The following ISM1 variants were observed in gnomAD, a reference collection of about 807,000 sequenced individuals.
ISM1 encodes isthmin-1.
In ISM1, 25 loss-of-function variants were observed where a neutral mutation model predicts 46.3. That is an observed-to-expected ratio of 0.54 (90% CI 0.39 to 0.75). The LOEUF (loss-of-function observed/expected upper bound fraction) is 0.75. ISM1 is among the 30% of genes least tolerant of loss of function. The pLI is 0.00. For missense variants in ISM1, 536 were observed against 625.4 expected (o/e 0.86, Z 1.52); for synonymous variants, 255 against 256.7 (o/e 0.99, Z 0.06).
chr20:13,283,350 G>A (rs7273083), intron 3 of ISM1, among the ~76,000 whole-genome samples: 10,717 of 152,212 alleles, frequency 0.07, 531 homozygotes, highest in East Asian at 0.23. Flanking sequence ...ATCTCGGGGC[G>A]TGCAGCCTCG....
chr20:13,325,294 G>T, the ISM1 span, among the ~76,000 whole-genome samples: 1 of 152,204 alleles, frequency 6.6e-6, no homozygotes, highest in Admixed American at 6.5e-5. Context: ...ATGCGAGGTT[G>T]CACATCTGTA....
chr20:13,289,964 C>A (rs1294398958), intron 4 of ISM1, among the ~76,000 whole-genome samples: 2 of 152,104 alleles, frequency 1.3e-5, no homozygotes, highest in Non-Finnish European at 2.9e-5. Flanking sequence ...AGTTCTCCAA[C>A]CAGAGACATT....
the ISM1 span, among the ~76,000 whole-genome samples, chr20:13,323,915 T>C: frequency 5.9e-5 from 9 of 152,234 alleles, no homozygotes; most frequent in African/African-American, 1.9e-4. Context: ...ATAGCCTGAA[T>C]GATAAGAAAT....
chr20:13,307,445 C>A, the ISM1 span, among the ~76,000 whole-genome samples: 2 of 152,144 alleles, frequency 1.3e-5, no homozygotes, highest in African/African-American at 4.8e-5. Flanking sequence ...TCTGGGGCTA[C>A]AGAAATGTTC....
chr20:13,276,859 T>G (rs2040185927), intron 2 of ISM1, among the ~76,000 whole-genome samples: 1 of 152,248 alleles, frequency 6.6e-6, no homozygotes, highest in Non-Finnish European at 1.5e-5. Flanking sequence ...TGGATGCCTA[T>G]GAAACCTCAG....
chr20:13,278,529 T>C (rs1177040610), intron 2 of ISM1, among the ~76,000 whole-genome samples: 2 of 152,228 alleles, frequency 1.3e-5, no homozygotes, highest in East Asian at 1.9e-4. Flanking sequence ...TGAGAGACAG[T>C]GTGGCAAAGT....
At chr20:13,257,362 A>G (rs1267918867) in intron 1 of ISM1, among the ~76,000 whole-genome samples, 1 of 152,076 alleles carries the variant, frequency 6.6e-6, no homozygotes, top group Non-Finnish European at 1.5e-5. Context: ...TAAAAATACA[A>G]AAAAATTAGC....
chr20:13,226,599 G>A (rs574225180), intron 1 of ISM1, among the ~76,000 whole-genome samples: 2 of 152,072 alleles, frequency 1.3e-5, no homozygotes, highest in Non-Finnish European at 2.9e-5. Flanking sequence ...ATGTAGCTGT[G>A]GCCATCTGTT....
At chr20:13,266,218 A>G (rs1395248421) in intron 1 of ISM1, among the ~76,000 whole-genome samples, 1 of 152,204 alleles carries the variant, frequency 6.6e-6, no homozygotes, top group Non-Finnish European at 1.5e-5. Flanking sequence ...AGAGGGGACT[A>G]GACATTGGGC....
intron 1 of ISM1, among the ~76,000 whole-genome samples, chr20:13,234,443 G>T (rs1466806282): frequency 6.6e-6 from 1 of 152,122 alleles, no homozygotes; most frequent in African/African-American, 2.4e-5. Flanking sequence ...TTGATGTATT[G>T]ATTTCTTTCC....
chr20:13,223,472 A>G (rs1217625371), intron 1 of ISM1, among the ~76,000 whole-genome samples: 1 of 152,188 alleles, frequency 6.6e-6, no homozygotes, highest in Non-Finnish European at 1.5e-5. Flanking sequence ...AGGTACAGAG[A>G]GGTTAAAAAA....
chr20:13,241,145 C>T (rs574353833), intron 1 of ISM1, among the ~76,000 whole-genome samples: 10 of 152,172 alleles, frequency 6.6e-5, no homozygotes, highest in South Asian at 2.1e-4. Flanking sequence ...AACTGGGCAA[C>T]GCAGCCATGA....
At chr20:13,225,194 G>C (rs909238651) in intron 1 of ISM1, among the ~76,000 whole-genome samples, 1 of 151,990 alleles carries the variant, frequency 6.6e-6, no homozygotes, top group Admixed American at 6.6e-5. Flanking sequence ...CCGGGAATTA[G>C]GTGCTATCAT....
chr20:13,298,317 G>A (rs945171985), intron 5 of ISM1, among the ~76,000 whole-genome samples: 2 of 152,120 alleles, frequency 1.3e-5, no homozygotes, highest in African/African-American at 4.8e-5. Context: ...TTGTTGGCCA[G>A]GCTGGTCTTA....
chr20:13,272,062 A>C (rs1287100334), intron 2 of ISM1, among the ~76,000 whole-genome samples: 1 of 152,200 alleles, frequency 6.6e-6, no homozygotes, highest in Non-Finnish European at 1.5e-5. Flanking sequence ...TACAAGTATG[A>C]GCCACCACAG....
intron 1 of ISM1, among the ~76,000 whole-genome samples, chr20:13,269,108 G>C (rs373466060): frequency 1.3e-5 from 2 of 152,128 alleles, no homozygotes; most frequent in African/African-American, 4.8e-5. Context: ...CAAAGAGGGC[G>C]TGTGGAGACA....
the ISM1 span, among the ~76,000 whole-genome samples, chr20:13,309,570 C>T: frequency 3.3e-5 from 5 of 152,128 alleles, no homozygotes; most frequent in Non-Finnish European, 7.4e-5. Context: ...TGCTTATATT[C>T]AGCACAGTTC....
At chr20:13,263,862 A>T (rs2040015566) in intron 1 of ISM1, among the ~76,000 whole-genome samples, 1 of 152,246 alleles carries the variant, frequency 6.6e-6, no homozygotes, top group African/African-American at 2.4e-5. Flanking sequence ...GGCTGTAGTG[A>T]CATTAATTAT....
At chr20:13,265,508 G>A (rs1242116999) in intron 1 of ISM1, among the ~76,000 whole-genome samples, 2 of 152,250 alleles carry the variant, frequency 1.3e-5, no homozygotes, top group East Asian at 3.9e-4. Context: ...TGACTCCTGT[G>A]TTCTTTCAAG....
Sources: gnomAD v4.1 joint callset for allele counts (sites outside exome capture counted in the v4.1 genomes callset) on GRCh38, gnomAD v4.1.1 for gene constraint, MANE v1.5 for transcripts, NCBI Gene and HGNC (gene_info 2026-07-23, HGNC 2026-07-21) for gene names.